Variants in MNT observed in about 807,000 individuals in gnomAD.
The protein encoded by MNT is max-binding protein MNT.
In MNT, 13 loss-of-function variants were observed where a neutral mutation model predicts 40.7. The ratio of observed to expected loss-of-function variants is 0.32; its 90% CI spans 0.21 to 0.51. The LOEUF (loss-of-function observed/expected upper bound fraction) is 0.51, where lower values mean the gene tolerates loss of function less well. Among genes scored for constraint, MNT ranks in the 20% least tolerant of loss-of-function variants. The pLI is 0.98. For missense variants in MNT, 757 were observed against 792.0 expected, an observed-to-expected ratio of 0.96 and a Z score of 0.53; for synonymous variants, 426 against 354.8, an observed-to-expected ratio of 1.20 and a Z score of -2.26.
chr17:2,387,833 G>T, intron 5 of MNT, 24 bp downstream of exon 5: 1 of 1,576,890 alleles, frequency 6.3e-7, no homozygotes. Flanking sequence ...GGGCTGGGGG[G>T]CCAGCGTGGG....
At position 2,400,853 on chromosome 17, in the gene MNT, G is replaced by A. The variant is rs1001281348; in HGVS notation, c.-141C>T. 45 of 505,112 alleles carry A rather than the reference G, an allele frequency of 8.9e-5. No individual in the cohort carries two copies. In the Middle Eastern group the frequency reaches 2.0e-3, roughly 23 times the overall value. 31.3% of individuals were successfully genotyped at this position (505,112 alleles called of 1,614,324 possible). ...TGGGCGGCGCAGCGCACTCCGCAGGGAAGAACGGGGGAGCACGGGGAGAAA... is the reference window on the plus strand; with the variant it reads ...TGGGCGGCGCAGCGCACTCCGCAGGAAAGAACGGGGGAGCACGGGGAGAAA... On this transcript the variant is annotated 5_prime_UTR_variant, in exon 1 of 6. Coordinates refer to ENST00000174618, the MANE Select transcript of MNT (RefSeq NM_020310.3).
rs2066434424 is a variant in MNT, at chr17:2,384,074, C to G, written c.*2827G>C. On this transcript the variant is annotated 3_prime_UTR_variant, in exon 6 of 6. Transcript: ENST00000174618. ...ATGCTGCAGGCTGGCAGCTCCATCT[C>G]AGGTTTCAGTGCAGGTTTATTTCAG... 2 of 152,560 alleles carry G rather than the reference C, an allele frequency of 1.3e-5. No individual in the cohort carries two copies. Among genetic ancestry groups the G allele is most frequent in the South Asian group, 4.1e-4 (2 of 4,824 alleles). 9.5% of individuals were successfully genotyped at this position (152,560 alleles called of 1,614,324 possible).
At chr17:2,394,717 G>C (rs1011307805) in intron 2 of MNT, among the ~76,000 whole-genome samples, 158 bp downstream of exon 2, 4 of 152,118 alleles carry the variant, frequency 2.6e-5, no homozygotes, top group African/African-American at 7.2e-5. Context: ...GGGGGGCAAT[G>C]GGACATTCCT....
At position 2,387,333 on chromosome 17, in the gene MNT, C is replaced by A; in HGVS notation, c.1317G>T (p.Thr439=). 6.2e-7 allele frequency: 1 copy of A among 1,612,748 alleles called. No individual in the cohort carries two copies. The highest frequency in any genetic ancestry group is 8.5e-7 in the Non-Finnish European group (1 of 1,179,662). The change falls in exon 6 of 6, where the codon ACG becomes ACT. Residue 439 remains threonine (T), a synonymous_variant. Coordinates refer to ENST00000174618, the MANE Select transcript of MNT (RefSeq NM_020310.3). ...HLVATAGGGS[T]VIAHTATTHA... ...GAGTGGTGGCTGTGTGGGCGATGAC[C>A]GTGGAGCCACCCCCAGCCGTCGCCA...
chr17:2,390,581 C>G (rs2066505216), intron 4 of MNT: 1 of 152,136 alleles, frequency 6.6e-6, no homozygotes, highest in Admixed American at 6.6e-5. Context: ...CCGAAACCAG[C>G]CCCGCCCTCC....
chr17:2,396,796 C>T (rs1276588269), intron 1 of MNT: 1 of 152,410 alleles, frequency 6.6e-6, no homozygotes, highest in Non-Finnish European at 1.5e-5. Flanking sequence ...CCCGGACGCC[C>T]GCCCCGCTCC....
Position 2,387,662 on chromosome 17 carries a change from T to C in MNT, c.1001-13A>G, listed in dbSNP as rs1480933965. 3.1e-6 allele frequency: 5 copies of C among 1,613,118 alleles called. No individual in the cohort carries two copies. Among genetic ancestry groups the C allele is most frequent in the African/African-American group, 1.3e-5 (1 of 74,620 alleles). ...TTGTCCTCACCCTCTGTGGGGAACATGGGGCAGGGAGCAGGTCAGAAGGGC... is the reference window on the plus strand; with the variant it reads ...TTGTCCTCACCCTCTGTGGGGAACACGGGGCAGGGAGCAGGTCAGAAGGGC... On this transcript the variant is annotated splice_polypyrimidine_tract_variant and intron_variant, in intron 5 of 5. Coordinates refer to ENST00000174618, the MANE Select transcript of MNT (RefSeq NM_020310.3).
chr17:2,396,162 A>C (rs1255615547), intron 1 of MNT, among the ~76,000 whole-genome samples: 1 of 152,112 alleles, frequency 6.6e-6, no homozygotes, highest in Non-Finnish European at 1.5e-5. Flanking sequence ...CATCACCCTC[A>C]TTTCACACAT....
rs2066469900 is a variant in MNT, at chr17:2,387,145, G to T, written c.1505C>A (p.Ala502Asp). 1 of 1,597,902 alleles carries T rather than the reference G, an allele frequency of 6.3e-7. No homozygotes were observed. The highest frequency in any genetic ancestry group is 8.5e-7 in the Non-Finnish European group (1 of 1,173,438). Residue 502 changes from alanine (A) to aspartate (D), a missense_variant, in exon 6 of 6, where the codon GCC becomes GAC. Transcript: ENST00000174618. Reference protein sequence around the residue: ...TVHPATLNHVAHLGSQLPLYP... With the variant: ...TVHPATLNHVDHLGSQLPLYP... ...CAAGGGCAGCTGGGAGCCCAGGTGGGCCACATGGTTGAGGGTGGCAGGGTG... is the reference window on the plus strand; with the variant it reads ...CAAGGGCAGCTGGGAGCCCAGGTGGTCCACATGGTTGAGGGTGGCAGGGTG...
At chr17:2,396,461 TGA>T (rs1425831895) in intron 1 of MNT, 2 of 152,486 alleles carry the variant, frequency 1.3e-5, no homozygotes, top group Non-Finnish European at 2.9e-5. Flanking sequence ...TGGTTCTGGG[TGA>T]GAGAGGGCAG....
intron 3 of MNT, 53 bp from the exon 4 acceptor site, chr17:2,394,207 G>A (rs981538761): frequency 5.6e-6 from 9 of 1,599,724 alleles, no homozygotes; most frequent in Admixed American, 1.7e-5. Flanking sequence ...GGCTGGGACG[G>A]GGGGAGGCAG....
chr17:2,395,670 ATAG>A (rs1166132304), intron 1 of MNT, among the ~76,000 whole-genome samples: 1 of 151,978 alleles, frequency 6.6e-6, no homozygotes, highest in Admixed American at 6.5e-5. Context: ...CCACCAGGGA[ATAG>A]TAGGACAGTC....
At position 2,394,361 on chromosome 17, in the gene MNT, G is replaced by C. The variant is rs373426966; in HGVS notation, c.654-15C>G. 6.2e-6 allele frequency: 10 copies of C among 1,613,868 alleles called. No individual in the cohort carries two copies. Among genetic ancestry groups the C allele is most frequent in the Non-Finnish European group, 8.5e-6 (10 of 1,179,946 alleles). ...TGGTTCCGATCCTGAAACCCAGACA[G>C]ATAGGAGGCTCAGGGAGGAGGACTC... On this transcript the variant is annotated splice_polypyrimidine_tract_variant and intron_variant, in intron 2 of 5. Coordinates refer to ENST00000174618, the MANE Select transcript of MNT (RefSeq NM_020310.3).
rs1356680015 is a variant in MNT, at chr17:2,397,280, C to T, written c.74-1826G>A. Among the ~76,000 whole-genome samples, 3 of 152,190 alleles carry T rather than the reference C, an allele frequency of 2.0e-5. No individual in the cohort carries two copies. The South Asian group carries it at 6.2e-4, about 31-fold the overall frequency. On this transcript the variant is annotated intron_variant, in intron 1 of 5. Transcript: ENST00000174618. ...CCACAGACCGCAGTGGCCAAGCAGC[C>T]TGCTGAGTTCCAGTGACAGGGCCCT...
chr17:2,395,186 C>T lies in MNT; in HGVS notation c.342G>A (p.Leu114=). 1.4e-6 allele frequency: 2 copies of T among 1,427,486 alleles called. No homozygotes were observed. Among genetic ancestry groups the T allele is most frequent in the Non-Finnish European group, 1.8e-6 (2 of 1,097,302 alleles). 88.4% of individuals were successfully genotyped at this position (1,427,486 alleles called of 1,614,324 possible). A position where few individuals can be genotyped will look rare whatever the true frequency, so the allele number is the denominator to read the frequency against. ...PPPLPAAAQP[L]PLAPRQPALV... is the part of the protein sequence containing the mutation. ...GGGCCGGCTGACGAGGCGCCAGGGG[C>T]AGAGGCTGGGCTGCCGCGGGCAAGG... is the stretch of plus-strand genomic sequence containing the variant. Residue 114 remains leucine (L), a synonymous_variant, in exon 2 of 6, where the codon CTG becomes CTA. Coordinates refer to ENST00000174618, the MANE Select transcript of MNT (RefSeq NM_020310.3).
At chr17:2,395,572 A>G in intron 1 of MNT, 118 bp from the exon 2 acceptor site, 1 of 1,502,784 alleles carries the variant, frequency 6.7e-7, no homozygotes, top group African/African-American at 1.4e-5. Flanking sequence ...TCAGCGAGAG[A>G]CACCACAAAT....
At position 2,400,733 on chromosome 17, in the gene MNT, G is replaced by A. The variant is rs754551564; in HGVS notation, c.-21C>T. 33 of 1,525,470 alleles carry A rather than the reference G, an allele frequency of 2.2e-5. No homozygotes were observed. Among genetic ancestry groups the A allele is most frequent in the Admixed American group, 6.7e-5 (3 of 44,754 alleles). The allele number at this position is 1,525,470 out of a possible 1,614,324, so 94.5% of individuals were successfully genotyped here. A position where few individuals can be genotyped will look rare whatever the true frequency, so the allele number is the denominator to read the frequency against. On this transcript the variant is annotated 5_prime_UTR_variant, in exon 1 of 6. Coordinates refer to ENST00000174618, the MANE Select transcript of MNT (RefSeq NM_020310.3). ...CTCATCGCGCCGAGAGCTGCCGGGG[G>A]CGCGCCGGGGCCGAGGCTGCGGCCC... is the stretch of plus-strand genomic sequence containing the variant.
Position 2,387,599 on chromosome 17 carries a change from C to T in MNT, c.1051G>A (p.Gly351Ser), listed in dbSNP as rs368541557. 35 of 1,614,048 alleles carry T rather than the reference C, an allele frequency of 2.2e-5. No individual in the cohort carries two copies. Among genetic ancestry groups the T allele is most frequent in the Non-Finnish European group, 2.8e-5 (33 of 1,179,976 alleles). The change falls in exon 6 of 6, where the codon GGC becomes AGC. Residue 351 changes from glycine (G) to serine (S), a missense_variant. By Grantham distance (56) the Gly-to-Ser change is moderately conservative. This residue lies in a region of MNT where 345 missense variants were observed against 380.1 expected (regional missense o/e 0.91). Transcript: ENST00000174618. ...EDMEEDRAGL[G>S]PPKLSHRPQP... ...GGACGATGGCTCAGCTTAGGTGGGC[C>T]CAGGCCCGCCCGGTCCTCCTCCATA...
chr17:2,384,139 A>G lies in MNT; in HGVS notation c.*2762T>C, dbSNP rs879083128. The stretch of plus-strand genomic sequence containing the variant: ...CCAGGCAAGTGCTTATTACATGGAT[A>G]GTATTCATGTCTCGGTAACTAAAGT... On this transcript the variant is annotated 3_prime_UTR_variant, in exon 6 of 6. Coordinates refer to ENST00000174618, the MANE Select transcript of MNT (RefSeq NM_020310.3). The G allele has an allele frequency of 6.6e-6, 1 of 152,638 alleles. No homozygotes were observed. The highest frequency in any genetic ancestry group is 1.5e-5 in the Non-Finnish European group (1 of 68,044). 9.5% of individuals were successfully genotyped at this position (152,638 alleles called of 1,614,324 possible). A position where few individuals can be genotyped will look rare whatever the true frequency, so the allele number is the denominator to read the frequency against.
Sources: gnomAD v4.1 joint callset for allele counts (sites outside exome capture counted in the v4.1 genomes callset) on GRCh38, gnomAD v4.1.1 for gene constraint, gnomAD v4.1.1 regional missense constraint, MANE v1.5 for transcripts, NCBI Gene and HGNC (gene_info 2026-07-23, HGNC 2026-07-21) for gene names.